CCDC148: variants seen among roughly 807,000 people sequenced by gnomAD.
The protein encoded by CCDC148 is coiled-coil domain-containing protein 148.
In CCDC148, 89 loss-of-function variants were observed where a neutral mutation model predicts 85.7. The observed-to-expected ratio is 1.04, with a 90% CI of 0.87 to 1.24. CCDC148 has a LOEUF of 1.24. CCDC148 is among the 50% of genes most tolerant of loss of function. The probability of loss-of-function intolerance (pLI) is 0.00; values close to 1 mark genes in which losing one functional copy is unlikely to be tolerated. For missense variants in CCDC148, 692 were observed against 671.7 expected, an observed-to-expected ratio of 1.03 and a Z score of -0.33; for synonymous variants, 230 against 213.9, an observed-to-expected ratio of 1.08 and a Z score of -0.66.
At chr2:158,305,379 A>G (rs1399228394) in intron 9 of CCDC148, among the ~76,000 whole-genome samples, 2 of 152,138 alleles carry the variant, frequency 1.3e-5, no homozygotes, top group Non-Finnish European at 1.5e-5. Flanking sequence ...CTGAGGTTGA[A>G]CCAGTATTGC....
intron 9 of CCDC148, among the ~76,000 whole-genome samples, chr2:158,277,828 C>T (rs536663573): frequency 4.3e-4 from 66 of 152,292 alleles, no homozygotes; most frequent in African/African-American, 1.5e-3. Flanking sequence ...AATCTCCTGA[C>T]CTTGTGATCC....
chr2:158,278,398 C>G (rs1009008241), intron 9 of CCDC148, among the ~76,000 whole-genome samples: 7 of 152,154 alleles, frequency 4.6e-5, no homozygotes, highest in Non-Finnish European at 8.8e-5. Context: ...CAGACGGCAC[C>G]TGGAAAATCG....
chr2:158,310,446 C>T (rs965589114), intron 8 of CCDC148, among the ~76,000 whole-genome samples: 1 of 152,238 alleles, frequency 6.6e-6, no homozygotes, highest in South Asian at 2.1e-4. Flanking sequence ...GGTACACCTC[C>T]CAGACAGGGT....
intron 11 of CCDC148, among the ~76,000 whole-genome samples, chr2:158,180,966 G>A (rs183388134): frequency 9.9e-5 from 15 of 152,086 alleles, no homozygotes; most frequent in Admixed American, 2.6e-4. Flanking sequence ...TTTCTCTCAC[G>A]CCTCCATGTC....
chr2:158,278,440 G>A (rs920508433), intron 9 of CCDC148, among the ~76,000 whole-genome samples: 16 of 152,162 alleles, frequency 1.1e-4, no homozygotes, highest in South Asian at 6.2e-4. Flanking sequence ...GCACTTTTCC[G>A]ATGGGCTTAA....
intron 9 of CCDC148, among the ~76,000 whole-genome samples, chr2:158,306,030 A>C (rs773303700): frequency 1.3e-5 from 2 of 152,198 alleles, no homozygotes; most frequent in African/African-American, 2.4e-5. Context: ...GTTGAGTTAC[A>C]CTTACATGAC....
At chr2:158,307,063 A>T (rs1691728314) in intron 9 of CCDC148, among the ~76,000 whole-genome samples, 1 of 151,842 alleles carries the variant, frequency 6.6e-6, no homozygotes, top group Non-Finnish European at 1.5e-5. Flanking sequence ...AACATATCTC[A>T]AAGACATTTA....
chr2:158,314,050 AAG>A (rs1245803750), intron 7 of CCDC148, among the ~76,000 whole-genome samples, 156 bp from the exon 8 acceptor site: 1 of 135,936 alleles, frequency 7.4e-6, no homozygotes, highest in Non-Finnish European at 1.5e-5. Context: ...TGTTTCAGAA[AAG>A]CTTCTAAATT....
intron 11 of CCDC148, among the ~76,000 whole-genome samples, chr2:158,204,569 G>A (rs1686138000): frequency 6.6e-6 from 1 of 152,058 alleles, no homozygotes; most frequent in Admixed American, 6.6e-5. Flanking sequence ...CCAAATGACA[G>A]TTCCCAGCTA....
At chr2:158,347,365 C>T (rs1683045816) in intron 2 of CCDC148, among the ~76,000 whole-genome samples, 1 of 151,890 alleles carries the variant, frequency 6.6e-6, no homozygotes, top group African/African-American at 2.4e-5. Flanking sequence ...CTATTTTTCA[C>T]TAGACAATTC....
At chr2:158,272,166 G>T (rs1227274550) in intron 9 of CCDC148, among the ~76,000 whole-genome samples, 1 of 152,114 alleles carries the variant, frequency 6.6e-6, no homozygotes. Context: ...ATTCCAAGAG[G>T]TTTCATAAGA....
intron 11 of CCDC148, among the ~76,000 whole-genome samples, chr2:158,213,341 A>C (rs1236222649): frequency 6.6e-6 from 1 of 152,244 alleles, no homozygotes; most frequent in African/African-American, 2.4e-5. Context: ...AAACATTTTT[A>C]AAACATTAAA....
intron 9 of CCDC148, among the ~76,000 whole-genome samples, chr2:158,261,625 C>G (rs1434680924): frequency 6.6e-6 from 1 of 151,690 alleles, no homozygotes; most frequent in Middle Eastern, 3.4e-3. Flanking sequence ...ATGCATCTGA[C>G]AAAGGTCTAA....
chr2:158,271,862 A>G (rs1689713510), intron 9 of CCDC148, among the ~76,000 whole-genome samples: 1 of 152,140 alleles, frequency 6.6e-6, no homozygotes, highest in South Asian at 2.1e-4. Flanking sequence ...TGTCATTTAA[A>G]CAACATGCCT....
intron 1 of CCDC148, among the ~76,000 whole-genome samples, chr2:158,362,732 T>C (rs558811837): frequency 6.6e-5 from 10 of 151,922 alleles, no homozygotes; most frequent in Non-Finnish European, 1.2e-4. Flanking sequence ...AGATCTAAAA[T>C]TGACACCCTA....
intron 9 of CCDC148, among the ~76,000 whole-genome samples, chr2:158,260,560 G>C (rs1013942957): frequency 6.6e-5 from 10 of 152,020 alleles, no homozygotes; most frequent in African/African-American, 2.4e-4. Context: ...TAGAAAGAGA[G>C]GAAGTCGAAT....
intron 1 of CCDC148, among the ~76,000 whole-genome samples, chr2:158,433,263 T>TATATATATATATAC (rs1687461743): frequency 8.2e-6 from 1 of 121,392 alleles, no homozygotes; most frequent in African/African-American, 2.7e-5. Flanking sequence ...TTGACTCAAA[T>TATATATATATATAC]ATATATATAT....
intron 9 of CCDC148, among the ~76,000 whole-genome samples, chr2:158,290,237 G>T (rs938086515): frequency 3.9e-5 from 6 of 152,088 alleles, no homozygotes; most frequent in African/African-American, 1.4e-4. Context: ...GGAGGCTGGC[G>T]GTGGGAAGGA....
intron 12 of CCDC148, 54 bp from the exon 13 acceptor site, chr2:158,176,715 G>T: frequency 6.3e-7 from 1 of 1,595,980 alleles, no homozygotes; most frequent in Non-Finnish European, 8.5e-7. Context: ...AAATATTTCT[G>T]GGCAACATTA....
Sources: allele counts gnomAD v4.1 joint callset (sites outside exome capture counted in the v4.1 genomes callset), GRCh38; gene constraint gnomAD v4.1.1; transcripts MANE v1.5; gene names NCBI Gene and HGNC (gene_info 2026-07-23, HGNC 2026-07-21).